The following DNAH6 variants were observed in gnomAD, a reference collection of about 807,000 sequenced individuals.
DNAH6 encodes the protein axonemal beta dynein heavy chain 6.
In DNAH6, 340 loss-of-function variants were observed where a neutral mutation model predicts 491.4. The observed-to-expected ratio is 0.69, with a 90% CI of 0.63 to 0.76. DNAH6 has a LOEUF of 0.76. Among genes scored for constraint, DNAH6 ranks in the 30% least tolerant of loss-of-function variants. DNAH6 has a pLI of 0.00. For synonymous variants in DNAH6, 1,603 were observed against 1,686.1 expected, an observed-to-expected ratio of 0.95 and a Z score of 1.21; for missense variants, 4,443 against 4,972.2, an observed-to-expected ratio of 0.89 and a Z score of 3.20.
the DNAH6 span, among the ~76,000 whole-genome samples, chr2:84,462,389 T>C: frequency 6.6e-6 from 1 of 152,244 alleles, no homozygotes; most frequent in African/African-American, 2.4e-5. Flanking sequence ...TTGATTGATA[T>C]GTCATGCCTT....
chr2:84,818,187 A>G (rs977357455), intron 76 of DNAH6, among the ~76,000 whole-genome samples: 10 of 152,190 alleles, frequency 6.6e-5, no homozygotes, highest in Non-Finnish European at 8.8e-5. Context: ...GTAGTCATCA[A>G]TGGCCACTAA....
intron 17 of DNAH6, among the ~76,000 whole-genome samples, chr2:84,594,305 T>C (rs1684376070): frequency 4.6e-4 from 1 of 2,188 alleles, no homozygotes; most frequent in Non-Finnish European, 8.2e-4. Flanking sequence ...GAAGGCTACA[T>C]AGTGGAAGCA....
chr2:84,672,862 A>G (rs75095641), intron 40 of DNAH6, among the ~76,000 whole-genome samples: 8 of 152,286 alleles, frequency 5.3e-5, no homozygotes, highest in Non-Finnish European at 1.0e-4. Context: ...GGACTTCAAC[A>G]TATGATTTGG....
rs1353829022 is a variant in DNAH6 at position 84,701,277 on chromosome 2, T to G, written c.7999T>G (p.Tyr2667Asp). ...GCGGTACTACACGACACCCACCTCC[T>G]ACCTGGAGCTTATCAATCTTTACCT... The part of the protein sequence containing the change: ...RRRYYTTPTS[Y>D]LELINLYLSM... Residue 2667 changes from tyrosine (Y) to aspartate (D), a missense_variant, in exon 49 of 77, where the codon TAC (tyrosine) becomes GAC (aspartate). Coordinates refer to ENST00000389394, the MANE Select transcript of DNAH6 (RefSeq NM_001370.2). The G allele has an allele frequency of 2.1e-5, 32 of 1,551,926 alleles. No individual in the cohort carries two copies. Among genetic ancestry groups the G allele is most frequent in the Non-Finnish European group, 2.8e-5 (32 of 1,147,030 alleles).
intron 11 of DNAH6, among the ~76,000 whole-genome samples, chr2:84,563,133 T>TC (rs1004286624): frequency 6.6e-6 from 1 of 152,168 alleles, no homozygotes; most frequent in African/African-American, 2.4e-5. Context: ...TTGTGAGGCC[T>TC]CCCCAGCCAT....
intron 37 of DNAH6, 65 bp from the exon 38 acceptor site, chr2:84,669,224 A>G: frequency 8.0e-7 from 1 of 1,249,996 alleles, no homozygotes; most frequent in African/African-American, 1.5e-5. Flanking sequence ...ATGTGAGTGT[A>G]TCTACTACTG....
Position 84,624,403 on chromosome 2 carries a change from T to C in DNAH6, c.4197+13T>C. ...TGTTCAATCCAAGGTAACTGTTTCA[T>C]TTAAGTAAAATTATATACTTCTTTC... On this transcript the variant is annotated intron_variant, in intron 27 of 76. Coordinates refer to ENST00000389394, the MANE Select transcript of DNAH6 (RefSeq NM_001370.2). The C allele has an allele frequency of 6.5e-7, 1 of 1,549,830 alleles. No homozygotes were observed. The highest frequency in any genetic ancestry group is 8.7e-7 in the Non-Finnish European group (1 of 1,146,286).
At chr2:84,477,147 C>T in the DNAH6 span, among the ~76,000 whole-genome samples, 1 of 152,280 alleles carries the variant, frequency 6.6e-6, no homozygotes, top group Non-Finnish European at 1.5e-5. Flanking sequence ...GCTGCAAAGG[C>T]CTGAGCTCTG....
intron 18 of DNAH6, among the ~76,000 whole-genome samples, chr2:84,603,435 G>T (rs1685456864): frequency 6.6e-6 from 1 of 151,912 alleles, no homozygotes; most frequent in Admixed American, 6.6e-5. Flanking sequence ...TCTGACCTTG[G>T]GTCTTCCCTT....
chr2:84,579,674 G>A lies in DNAH6; in HGVS notation c.2224G>A (p.Glu742Lys). The change falls in exon 14 of 77, where the codon GAA becomes AAA. Residue 742 changes from glutamate to lysine, a missense_variant. Physicochemically the swap from Glu to Lys is moderately conservative, Grantham distance 56. Transcript: ENST00000389394. The part of the protein sequence containing the change: ...HSLLFLDEIQ[E>K]RIESLEDEGN... The stretch of plus-strand genomic sequence containing the variant: ...CTTATTATTTCTTGATGAAATTCAG[G>A]AACGGGTGAGTTGATTATCTCATAT... The A allele has an allele frequency of 1.9e-6, 3 of 1,581,596 alleles. No individual in the cohort carries two copies. Among genetic ancestry groups the A allele is most frequent in the Non-Finnish European group, 2.6e-6 (3 of 1,167,016 alleles).
At chr2:84,587,260 C>T (rs6728980) in intron 15 of DNAH6, among the ~76,000 whole-genome samples, 146,905 of 152,316 alleles carry the variant, frequency 0.96, 70,890 homozygotes, top group East Asian at 1. Flanking sequence ...TCCAGCTCCA[C>T]CTATATTCCT....
chr2:84,705,977 G>GA (rs778221917), intron 52 of DNAH6, among the ~76,000 whole-genome samples: 4 of 151,408 alleles, frequency 2.6e-5, no homozygotes, highest in Admixed American at 6.6e-5. Flanking sequence ...ATATTCATCT[G>GA]AAAAAAAAGG....
At chr2:84,611,581 G>C (rs1686337572) in intron 21 of DNAH6, 93 bp from the exon 22 acceptor site, 1 of 1,114,542 alleles carries the variant, frequency 9.0e-7, no homozygotes, top group African/African-American at 1.6e-5. Context: ...CAAGGAAAAA[G>C]ATACAGTGAT....
intron 62 of DNAH6, among the ~76,000 whole-genome samples, chr2:84,733,848 T>C (rs1292706561): frequency 6.6e-6 from 1 of 151,802 alleles, no homozygotes; most frequent in Admixed American, 6.6e-5. Flanking sequence ...TATACATTTG[T>C]GTATTGCTTT....
chr2:84,461,117 A>G, the DNAH6 span, among the ~76,000 whole-genome samples: 5 of 152,340 alleles, frequency 3.3e-5, no homozygotes, highest in Middle Eastern at 3.4e-3. Flanking sequence ...CATGTAGATT[A>G]AGTAAATTTA....
At chr2:84,654,112 A>AAGAG (rs551584610) in intron 34 of DNAH6, among the ~76,000 whole-genome samples, 3 of 150,826 alleles carry the variant, frequency 2.0e-5, no homozygotes, top group East Asian at 1.9e-4. Flanking sequence ...GAGAGAGAGA[A>AAGAG]AGAGAGAGAG....
intron 63 of DNAH6, among the ~76,000 whole-genome samples, chr2:84,749,507 G>A (rs1390891614): frequency 2.0e-5 from 3 of 152,214 alleles, no homozygotes; most frequent in Non-Finnish European, 4.4e-5. Flanking sequence ...GGGTATGGGT[G>A]ACTGTGAAAG....
the DNAH6 span, among the ~76,000 whole-genome samples, chr2:84,495,912 G>A: frequency 3.3e-5 from 5 of 152,068 alleles, no homozygotes; most frequent in African/African-American, 4.8e-5. Context: ...AGAAATACAC[G>A]CACACAAACA....
At chr2:84,625,128 G>T in intron 29 of DNAH6, 65 bp downstream of exon 29, 2 of 1,364,368 alleles carry the variant, frequency 1.5e-6, no homozygotes, top group Admixed American at 3.0e-5. Flanking sequence ...TTTGCAACAT[G>T]ACATAACAAA....
Sources: gnomAD v4.1 joint callset for allele counts (sites outside exome capture counted in the v4.1 genomes callset) on GRCh38, gnomAD v4.1.1 for gene constraint, MANE v1.5 for transcripts, NCBI Gene and HGNC (gene_info 2026-07-23, HGNC 2026-07-21) for gene names.